The following CDK7 variants were observed in gnomAD, a reference collection of about 807,000 sequenced individuals.
The protein encoded by CDK7 is cyclin dependent kinase 7.
Under a neutral mutation model 49.1 loss-of-function variants are expected in CDK7, and 25 were observed. The observed-to-expected ratio is 0.51, with a 90% CI of 0.37 to 0.71. CDK7 has a LOEUF of 0.71. Ranked by LOEUF, CDK7 falls within the 30% of genes least tolerant of loss-of-function variation. The pLI is 0.00. For synonymous variants in CDK7, 107 were observed against 140.0 expected, an observed-to-expected ratio of 0.76 and a Z score of 1.67; for missense variants, 316 against 411.7, an observed-to-expected ratio of 0.77 and a Z score of 2.01.
chr5:69,254,726 T>C, intron 4 of CDK7, 57 bp downstream of exon 4: 1 of 899,890 alleles, frequency 1.1e-6, no homozygotes, highest in Non-Finnish European at 1.9e-6. Flanking sequence ...CTTAATATAA[T>C]GGATGTTGAT....
At position 69,268,651 on chromosome 5, in the gene CDK7, G is replaced by A. The variant is rs564287986; in HGVS notation, c.628-556G>A. Among the ~76,000 whole-genome samples, 19 of 151,958 alleles carry A rather than the reference G, an allele frequency of 1.3e-4. No individual in the cohort carries two copies. The South Asian group carries it at 3.5e-3, about 28-fold the overall frequency. On this transcript the variant is annotated intron_variant, in intron 8 of 11. Transcript: ENST00000256443. ...GCAAATCACAATGTCAGGAGATCGA[G>A]ACCATTCTGGCTAACACGGTGAAAC... is the stretch of plus-strand genomic sequence containing the variant.
intron 9 of CDK7, 93 bp from the exon 10 acceptor site, chr5:69,272,799 T>C: frequency 2.8e-6 from 2 of 716,146 alleles, no homozygotes; most frequent in South Asian, 8.8e-5. Context: ...GAATTTTCTA[T>C]ATAAACCATC....
intron 3 of CDK7, among the ~76,000 whole-genome samples, chr5:69,252,908 T>TA (rs1325585321): frequency 4.6e-5 from 7 of 152,184 alleles, no homozygotes; most frequent in African/African-American, 9.6e-5. Flanking sequence ...AGAGTAAAGA[T>TA]AGACTCAGCA....
Position 69,265,468 on chromosome 5 carries a change from G to A in CDK7, c.627+3164G>A, listed in dbSNP as rs145897505. Reference sequence around the variant, plus strand: ...CATAGAAAAGAAAATAAAGTATTAGGGAAAAAGAATGGCATGAGCCTTCTC... The same window carrying A: ...CATAGAAAAGAAAATAAAGTATTAGAGAAAAAGAATGGCATGAGCCTTCTC... On this transcript the variant is annotated intron_variant, in intron 8 of 11. Transcript: ENST00000256443. Among the ~76,000 whole-genome samples, 734 of 152,240 alleles carry A rather than the reference G, an allele frequency of 4.8e-3. 11 individuals are homozygous for A. The highest frequency in any genetic ancestry group is 0.017 in the African/African-American group (703 of 41,544).
chr5:69,245,546 G>A (rs1580278362), intron 2 of CDK7, among the ~76,000 whole-genome samples: 1 of 151,586 alleles, frequency 6.6e-6, no homozygotes, highest in East Asian at 1.9e-4. Context: ...TCACTATATT[G>A]CCCAGGCTGG....
chr5:69,245,264 C>T (rs1212351139), intron 2 of CDK7, among the ~76,000 whole-genome samples: 1 of 142,000 alleles, frequency 7.0e-6, no homozygotes, highest in African/African-American at 2.7e-5. Context: ...AGCCCCCTCC[C>T]CTCCCCCGTC....
intron 2 of CDK7, among the ~76,000 whole-genome samples, chr5:69,245,403 G>A (rs777029451): frequency 1.3e-4 from 20 of 149,362 alleles, no homozygotes; most frequent in African/African-American, 2.2e-4. Context: ...GTGCAGTGGC[G>A]TCATCTCAGC....
intron 2 of CDK7, among the ~76,000 whole-genome samples, chr5:69,237,193 T>G (rs879538392): frequency 6.6e-6 from 1 of 152,106 alleles, no homozygotes; most frequent in South Asian, 2.1e-4. Context: ...CACCAACTCC[T>G]GGACTAAAGT....
At chr5:69,267,754 A>G (rs965292691) in intron 8 of CDK7, among the ~76,000 whole-genome samples, 3 of 152,198 alleles carry the variant, frequency 2.0e-5, no homozygotes, top group South Asian at 2.1e-4. Flanking sequence ...TGTGAAATCC[A>G]TACATCAGAC....
At chr5:69,267,676 A>T (rs1751253759) in intron 8 of CDK7, among the ~76,000 whole-genome samples, 1 of 137,416 alleles carries the variant, frequency 7.3e-6, no homozygotes, top group South Asian at 2.5e-4. Flanking sequence ...AATAAAATCA[A>T]GTCTGTATTC....
intron 8 of CDK7, among the ~76,000 whole-genome samples, chr5:69,268,086 G>A (rs563002911): frequency 3.3e-5 from 5 of 152,198 alleles, no homozygotes; most frequent in African/African-American, 1.2e-4. Context: ...TCAGCCTCCT[G>A]AGGAGCTGGG....
At chr5:69,258,423 A>G (rs1160212809) in intron 6 of CDK7, among the ~76,000 whole-genome samples, 1 of 132,174 alleles carries the variant, frequency 7.6e-6, no homozygotes, top group Non-Finnish European at 1.5e-5. Context: ...TCTGTCACCC[A>G]GGCTGGAGTG....
rs7715704 is a variant in CDK7 at position 69,266,598 on chromosome 5, A to T, written c.628-2609A>T. Among the ~76,000 whole-genome samples the T allele has an allele frequency of 0.01, 1,545 of 152,164 alleles. 112 individuals carry two copies. In the East Asian group the frequency reaches 0.2, roughly 19 times the overall value. Reference sequence around the variant, plus strand: ...CAGGAAAAAGGCAGTTCAAATTCTCATTTAATAGTGAAGGAAAGTTCTGGG... The same window carrying T: ...CAGGAAAAAGGCAGTTCAAATTCTCTTTTAATAGTGAAGGAAAGTTCTGGG... On this transcript the variant is annotated intron_variant, in intron 8 of 11. Coordinates refer to ENST00000256443, the MANE Select transcript of CDK7 (RefSeq NM_001799.4).
intron 8 of CDK7, among the ~76,000 whole-genome samples, chr5:69,264,996 G>A (rs1208106146): frequency 6.6e-6 from 1 of 151,418 alleles, no homozygotes; most frequent in African/African-American, 2.4e-5. Context: ...AGGCACGGTG[G>A]CTCACGCCTG....
At chr5:69,257,344 AGGG>A (rs1229899248) in intron 5 of CDK7, among the ~76,000 whole-genome samples, 3 of 152,172 alleles carry the variant, frequency 2.0e-5, no homozygotes, top group Admixed American at 1.3e-4. Context: ...AAAAAAGAAA[AGGG>A]GAACTTTTAG....
chr5:69,235,611 A>G (rs895526330), intron 2 of CDK7, 158 bp downstream of exon 2: 1 of 643,432 alleles, frequency 1.6e-6, no homozygotes, highest in Non-Finnish European at 2.8e-6. Flanking sequence ...GTGTTCCCAA[A>G]CGGAACTCTA....
chr5:69,273,564 A>G (rs906930045), intron 10 of CDK7, among the ~76,000 whole-genome samples: 26 of 152,186 alleles, frequency 1.7e-4, no homozygotes, highest in Admixed American at 1.2e-3. Context: ...AGCTTGAAAA[A>G]TATTTGAAAT....
chr5:69,239,181 A>C (rs1190307229), intron 2 of CDK7, among the ~76,000 whole-genome samples: 1 of 152,160 alleles, frequency 6.6e-6, no homozygotes, highest in African/African-American at 2.4e-5. Context: ...GATATGGTCA[A>C]ATTGCTCTCC....
chr5:69,238,436 C>A lies in CDK7; in HGVS notation c.126+2983C>A, dbSNP rs551257728. The stretch of plus-strand genomic sequence containing the variant: ...ACCAGCTAGGAGTACAGGTGCATGC[C>A]ACCGTGCCCCACTAAATTTGTTGTT... On this transcript the variant is annotated intron_variant, in intron 2 of 11. Coordinates refer to ENST00000256443, the MANE Select transcript of CDK7 (RefSeq NM_001799.4). Among the ~76,000 whole-genome samples, 5 of 151,812 alleles carry A rather than the reference C, an allele frequency of 3.3e-5. No homozygotes were observed. In the East Asian group the frequency reaches 9.7e-4, roughly 29 times the overall value.
Sources: allele counts gnomAD v4.1 joint callset (sites outside exome capture counted in the v4.1 genomes callset), GRCh38; gene constraint gnomAD v4.1.1; transcripts MANE v1.5; gene names NCBI Gene and HGNC (gene_info 2026-07-23, HGNC 2026-07-21).